ORC4: variants seen among roughly 807,000 people sequenced by gnomAD.
ORC4 encodes origin recognition complex, subunit 4 homolog.
Under a neutral mutation model 63.9 loss-of-function variants are expected in ORC4, and 55 were observed. The observed-to-expected ratio is 0.86, with a 90% confidence interval of 0.69 to 1.08. The LOEUF is 1.08. Ranked by LOEUF, ORC4 falls within the 50% of genes least tolerant of loss-of-function variation. The pLI, the probability that ORC4 is intolerant of heterozygous loss-of-function variation, is 0.00. For missense variants in ORC4, 511 were observed against 504.4 expected (o/e 1.01, Z -0.13); for synonymous variants, 150 against 168.5 (o/e 0.89, Z 0.85).
intron 2 of ORC4, 33 bp downstream of exon 2, chr2:147,975,869 A>G (rs748276533): frequency 2.4e-6 from 3 of 1,254,672 alleles, no homozygotes; most frequent in Non-Finnish European, 3.5e-6. Context: ...TACAGGGTAA[A>G]ATATCTTGAG....
chr2:148,010,390 G>A (rs1157162528), intron 1 of ORC4, among the ~76,000 whole-genome samples: 2 of 150,878 alleles, frequency 1.3e-5, no homozygotes, highest in Non-Finnish European at 3.0e-5. Context: ...CAAAAAAATA[G>A]AAAAGATCAA....
intron 8 of ORC4, among the ~76,000 whole-genome samples, chr2:147,949,420 G>A (rs147222362): frequency 2.2e-3 from 335 of 152,180 alleles, no homozygotes; most frequent in Non-Finnish European, 3.6e-3. Context: ...GTTGCATAGG[G>A]CTGGGGAGGG....
chr2:147,968,738 C>G (rs561456187), intron 4 of ORC4, among the ~76,000 whole-genome samples: 35 of 152,134 alleles, frequency 2.3e-4, no homozygotes, highest in African/African-American at 8.4e-4. Flanking sequence ...CCAAAAACCA[C>G]TACAAATAGA....
At chr2:148,003,526 T>C (rs186909617) in intron 1 of ORC4, among the ~76,000 whole-genome samples, 194 of 152,322 alleles carry the variant, frequency 1.3e-3, no homozygotes, top group Non-Finnish European at 2.5e-3. Context: ...ATTATCTCAA[T>C]AGATGTAGAA....
chr2:147,952,411 G>A lies in ORC4; in HGVS notation c.550C>T (p.Gln184Ter), dbSNP rs1244437052. The part of the protein sequence containing the change: ...YNLFDISQSA[Q>*]TPIAVIGLTC... Reference sequence around the variant, plus strand: ...AGACCAATAACTGCTATTGGGGTCTGTGCAGACTGAGAAATGTCAAAAAGA... The same window carrying A: ...AGACCAATAACTGCTATTGGGGTCTATGCAGACTGAGAAATGTCAAAAAGA... The change falls in exon 8 of 14, where the codon CAG (glutamine) becomes TAG (stop). Residue 184 changes from glutamine (Q) to a stop codon, truncating the protein, a stop_gained. Coordinates refer to ENST00000392857, the MANE Select transcript of ORC4 (RefSeq NM_181741.4). LOFTEE classifies it high-confidence loss of function. The A allele has an allele frequency of 6.2e-7, 1 of 1,610,342 alleles. No individual in the cohort carries two copies. Among genetic ancestry groups the A allele is most frequent in the Non-Finnish European group, 8.5e-7 (1 of 1,176,752 alleles).
chr2:147,947,645 G>A (rs1469630105), intron 9 of ORC4: 2 of 152,966 alleles, frequency 1.3e-5, no homozygotes, highest in African/African-American at 4.9e-5. Flanking sequence ...AATGAAAACT[G>A]GAAGAAAAAA....
intron 1 of ORC4, among the ~76,000 whole-genome samples, chr2:148,007,687 TGAGA>T (rs1409738376): frequency 6.6e-6 from 1 of 152,060 alleles, no homozygotes; most frequent in African/African-American, 2.4e-5. Flanking sequence ...CTTTTCAAAC[TGAGA>T]GAAAGATATG....
At chr2:148,010,363 CAG>C (rs545533680) in intron 1 of ORC4, among the ~76,000 whole-genome samples, 87 of 150,744 alleles carry the variant, frequency 5.8e-4, no homozygotes, top group African/African-American at 2.0e-3. Flanking sequence ...TAATAAAAAA[CAG>C]AAATAAAATT....
chr2:147,970,537 G>C (rs140969139), intron 4 of ORC4, among the ~76,000 whole-genome samples: 5 of 149,530 alleles, frequency 3.3e-5, no homozygotes, highest in Non-Finnish European at 7.4e-5. Flanking sequence ...CATAAACATA[G>C]TCAACTGATC....
Position 147,958,279 on chromosome 2 carries a change from TAACTG to T in ORC4, c.387+14_387+18del. ...TACCTTAAAAGTCTATTTAATAAAA[TAACTG>T]AAATGATACTTACAAAAACTTTATC... On this transcript the variant is annotated intron_variant, in intron 6 of 13. Transcript: ENST00000392857. 6.8e-7 allele frequency: 1 copy of T among 1,470,598 alleles called. No homozygotes were observed. The highest frequency in any genetic ancestry group is 1.1e-5 in the South Asian group (1 of 87,808). The allele number at this position is 1,470,598 out of a possible 1,614,324, so 91.1% of individuals were successfully genotyped here.
chr2:148,006,608 C>T (rs964150722), intron 1 of ORC4, among the ~76,000 whole-genome samples: 7 of 152,144 alleles, frequency 4.6e-5, no homozygotes, highest in African/African-American at 1.7e-4. Context: ...AAGCAAAAGA[C>T]AGATTTCTGA....
intron 1 of ORC4, among the ~76,000 whole-genome samples, chr2:147,980,894 AAT>A (rs1279658471): frequency 1.3e-5 from 2 of 152,206 alleles, no homozygotes; most frequent in Non-Finnish European, 1.5e-5. Context: ...AAATGAAATC[AAT>A]ATGTCAAAGA....
chr2:147,959,146 T>C (rs1689434834), intron 4 of ORC4, among the ~76,000 whole-genome samples: 1 of 152,034 alleles, frequency 6.6e-6, no homozygotes. Context: ...AATATTTCTC[T>C]ACATGTCACA....
At chr2:147,942,004 A>G (rs1169310400) in intron 10 of ORC4, among the ~76,000 whole-genome samples, 1 of 152,154 alleles carries the variant, frequency 6.6e-6, no homozygotes, top group African/African-American at 2.4e-5. Context: ...TTGAAGCCAG[A>G]GAGCTTTGGA....
chr2:147,967,783 G>A (rs1689982895), intron 4 of ORC4, among the ~76,000 whole-genome samples: 1 of 151,884 alleles, frequency 6.6e-6, no homozygotes, highest in Admixed American at 6.6e-5. Flanking sequence ...ATTCTTCACA[G>A]AGATAGAAAA....
At chr2:147,975,094 G>A (rs562826996) in intron 2 of ORC4, among the ~76,000 whole-genome samples, 16 of 152,182 alleles carry the variant, frequency 1.1e-4, no homozygotes, top group Admixed American at 2.6e-4. Flanking sequence ...AAGCCAAGTC[G>A]TATAAAAGAA....
chr2:147,967,854 A>G (rs569081888), intron 4 of ORC4, among the ~76,000 whole-genome samples: 6 of 152,286 alleles, frequency 3.9e-5, no homozygotes, highest in Admixed American at 3.3e-4. Context: ...AATCTTGAGC[A>G]CAAGGAATAA....
chr2:147,986,792 C>CACACACACAT (rs1553458242), intron 1 of ORC4, among the ~76,000 whole-genome samples: 19 of 148,746 alleles, frequency 1.3e-4, no homozygotes, highest in African/African-American at 3.9e-4. Flanking sequence ...CACACACATA[C>CACACACACAT]ACACACACAC....
At chr2:147,945,930 A>T (rs1044444810) in intron 9 of ORC4, among the ~76,000 whole-genome samples, 7 of 152,134 alleles carry the variant, frequency 4.6e-5, no homozygotes, top group Admixed American at 3.3e-4. Flanking sequence ...GCACAAGATG[A>T]TCAGGATAGG....
Sources: allele counts gnomAD v4.1 joint callset (sites outside exome capture counted in the v4.1 genomes callset), GRCh38; gene constraint gnomAD v4.1.1; transcripts MANE v1.5; gene names NCBI Gene and HGNC (gene_info 2026-07-23, HGNC 2026-07-21).